EPHA5: variants seen among roughly 807,000 people sequenced by gnomAD.
EPHA5 encodes ephrin type-A receptor 5.
EPHA5 carries 60 observed loss-of-function variants against 105.0 expected under a neutral mutation model. The observed-to-expected ratio is 0.57, with a 90% CI of 0.46 to 0.71. The LOEUF (loss-of-function observed/expected upper bound fraction) is 0.71. Among genes scored for constraint, EPHA5 ranks in the 30% least tolerant of loss-of-function variants. The probability of loss-of-function intolerance (pLI) is 0.00; values close to 1 mark genes in which losing one functional copy is unlikely to be tolerated. For synonymous variants in EPHA5, 513 were observed against 449.1 expected (o/e 1.14, Z -1.80); for missense variants, 1,218 against 1,274.7 (o/e 0.96, Z 0.68).
At chr4:65,466,581 G>C (rs1054015881) in intron 5 of EPHA5, among the ~76,000 whole-genome samples, 4 of 152,210 alleles carry the variant, frequency 2.6e-5, no homozygotes, top group Non-Finnish European at 5.9e-5. Context: ...ATTCACCAGG[G>C]GACTGTTGCA....
intron 3 of EPHA5, among the ~76,000 whole-genome samples, chr4:65,581,129 G>T (rs564882872): frequency 6.6e-6 from 1 of 151,718 alleles, no homozygotes; most frequent in South Asian, 2.1e-4. Context: ...CATTTATTTA[G>T]CCCACAACAA....
intron 15 of EPHA5, among the ~76,000 whole-genome samples, chr4:65,333,069 T>C (rs1050749525): frequency 6.6e-6 from 1 of 151,756 alleles, no homozygotes; most frequent in Non-Finnish European, 1.5e-5. Context: ...TTCATATTCT[T>C]TGGACAATAA....
intron 5 of EPHA5, among the ~76,000 whole-genome samples, chr4:65,471,703 A>G (rs1729299133): frequency 2.6e-5 from 4 of 152,268 alleles, no homozygotes; most frequent in Admixed American, 2.6e-4. Flanking sequence ...TAAAACCAAC[A>G]TATCTCATGA....
At chr4:65,412,733 A>G (rs1723028094) in intron 7 of EPHA5, among the ~76,000 whole-genome samples, 2 of 152,128 alleles carry the variant, frequency 1.3e-5, no homozygotes, top group African/African-American at 4.8e-5. Flanking sequence ...AGTAAACAGG[A>G]AATGATTAAG....
chr4:65,423,647 C>A (rs1724143126), intron 5 of EPHA5, among the ~76,000 whole-genome samples: 1 of 150,598 alleles, frequency 6.6e-6, no homozygotes, highest in Admixed American at 6.6e-5. Flanking sequence ...TTTGATATAC[C>A]CCCATCATTA....
intron 3 of EPHA5, among the ~76,000 whole-genome samples, chr4:65,557,904 G>A (rs866720616): frequency 6.6e-5 from 10 of 151,068 alleles, no homozygotes; most frequent in African/African-American, 2.2e-4. Context: ...TTTAGACGGA[G>A]TCTAGCTCTG....
chr4:65,642,454 C>A (rs1210215774), intron 2 of EPHA5, among the ~76,000 whole-genome samples: 3 of 151,876 alleles, frequency 2.0e-5, no homozygotes, highest in Non-Finnish European at 4.4e-5. Context: ...TTTGCCTTAC[C>A]TTTATGTTCT....
chr4:65,522,316 G>A (rs59483092), intron 3 of EPHA5, among the ~76,000 whole-genome samples: 20 of 142,836 alleles, frequency 1.4e-4, no homozygotes, highest in South Asian at 4.3e-4. Context: ...ATATATATAT[G>A]TATATATATA....
At chr4:65,532,448 CTATTTCAGTATAA>C (rs1246803574) in intron 3 of EPHA5, among the ~76,000 whole-genome samples, 1 of 152,082 alleles carries the variant, frequency 6.6e-6, no homozygotes, top group African/African-American at 2.4e-5. Context: ...TGATTTCAGT[CTATTTCAGTATAA>C]TAATAGACCA....
intron 3 of EPHA5, among the ~76,000 whole-genome samples, chr4:65,591,243 T>C (rs899862185): frequency 2.0e-5 from 3 of 152,080 alleles, no homozygotes; most frequent in African/African-American, 4.8e-5. Context: ...TAGACCAATA[T>C]TTACATCTGT....
intron 5 of EPHA5, among the ~76,000 whole-genome samples, chr4:65,488,141 AT>A: frequency 6.6e-6 from 1 of 152,186 alleles, no homozygotes; most frequent in East Asian, 1.9e-4. Flanking sequence ...ATGAAAATTG[AT>A]CTTTTTTTGG....
intron 8 of EPHA5, among the ~76,000 whole-genome samples, chr4:65,368,156 C>T (rs1718105692): frequency 6.6e-6 from 1 of 151,998 alleles, no homozygotes; most frequent in Non-Finnish European, 1.5e-5. Flanking sequence ...TTTTCTGATG[C>T]TTTTTGCTCT....
chr4:65,513,065 G>C (rs1393366263), intron 3 of EPHA5, among the ~76,000 whole-genome samples: 1 of 152,262 alleles, frequency 6.6e-6, no homozygotes, highest in Admixed American at 6.5e-5. Context: ...TATGTGGTTT[G>C]GACAATTGAA....
chr4:65,434,423 C>A (rs1460325687), intron 5 of EPHA5, among the ~76,000 whole-genome samples: 2 of 151,900 alleles, frequency 1.3e-5, no homozygotes, highest in Non-Finnish European at 2.9e-5. Flanking sequence ...ACATTCTAGG[C>A]CAAGACGATA....
chr4:65,560,853 A>C (rs1368235983), intron 3 of EPHA5, among the ~76,000 whole-genome samples: 5 of 152,072 alleles, frequency 3.3e-5, no homozygotes, highest in Admixed American at 3.3e-4. Flanking sequence ...TCCTTTGAAA[A>C]ATTATTTCTA....
At chr4:65,625,589 G>A (rs1290684994) in intron 2 of EPHA5, among the ~76,000 whole-genome samples, 1 of 151,972 alleles carries the variant, frequency 6.6e-6, no homozygotes, top group East Asian at 1.9e-4. Flanking sequence ...GTAAGTTGTA[G>A]TAATTGACCT....
chr4:65,521,863 T>C (rs115070934), intron 3 of EPHA5, among the ~76,000 whole-genome samples: 396 of 152,150 alleles, frequency 2.6e-3, no homozygotes, highest in African/African-American at 9.0e-3. Flanking sequence ...ATAAAGTAGG[T>C]GCCTGCAGCA....
At chr4:65,668,618 G>A (rs1750168478) in intron 1 of EPHA5, among the ~76,000 whole-genome samples, 4 of 152,048 alleles carry the variant, frequency 2.6e-5, no homozygotes, top group African/African-American at 9.7e-5. Flanking sequence ...CGGACAGAGG[G>A]GCTGAGCACT....
intron 8 of EPHA5, among the ~76,000 whole-genome samples, chr4:65,376,616 T>G (rs1719033430): frequency 6.6e-6 from 1 of 152,004 alleles, no homozygotes; most frequent in African/African-American, 2.4e-5. Flanking sequence ...TCCATGGTTT[T>G]GGGAAACAGA....
Sources: gnomAD v4.1 joint callset for allele counts (sites outside exome capture counted in the v4.1 genomes callset) on GRCh38, gnomAD v4.1.1 for gene constraint, MANE v1.5 for transcripts, NCBI Gene and HGNC (gene_info 2026-07-23, HGNC 2026-07-21) for gene names.